The following TIMM9 variants were observed in gnomAD, a reference collection of about 807,000 sequenced individuals.
TIMM9 encodes the protein mitochondrial import inner membrane translocase subunit Tim9.
TIMM9 carries 10 observed loss-of-function variants against 13.4 expected under a neutral mutation model. The ratio of observed to expected loss-of-function variants is 0.75; its 90% CI spans 0.46 to 1.26. The LOEUF is 1.26. TIMM9 is among the 50% of genes most tolerant of loss of function. The pLI, the probability that TIMM9 is intolerant of heterozygous loss-of-function variation, is 0.00. For missense variants in TIMM9, 87 were observed against 100.8 expected (o/e 0.86, Z 0.58); for synonymous variants, 32 against 32.1 (o/e 1.00, Z 0.01).
chr14:58,417,897 C>A (rs2348076), intron 3 of TIMM9, among the ~76,000 whole-genome samples: 126,050 of 152,060 alleles, frequency 0.83, 54,248 homozygotes, highest in East Asian at 0.99. Context: ...GTGTACATTA[C>A]TACAGGTTTT....
rs760974022 is a variant in TIMM9 at position 58,410,870 on chromosome 14, G to T, written c.108C>A (p.Phe36Leu). 3.1e-6 allele frequency: 5 copies of T among 1,610,152 alleles called. No homozygotes were observed. The South Asian group carries it at 5.6e-5, about 18-fold the overall frequency. Residue 36 changes from phenylalanine to leucine, a missense_variant, in exon 5 of 6, where the codon TTC (phenylalanine) becomes TTA (leucine). Coordinates refer to ENST00000395159, the MANE Select transcript of TIMM9 (RefSeq NM_012460.4). Reference protein sequence around the residue: ...ETCFLDCVKDFTTREVKPEET... With the variant: ...ETCFLDCVKDLTTREVKPEET... ...CTTCAGGTTTTACTTCTCTTGTTGT[G>T]AAGTCTTTAACACAGTCCAAAAAGC...
chr14:58,423,022 C>CT (rs1158380578), intron 3 of TIMM9, among the ~76,000 whole-genome samples: 1 of 151,430 alleles, frequency 6.6e-6, no homozygotes, highest in Non-Finnish European at 1.5e-5. Context: ...CCAGGTTGGT[C>CT]TTGAACTCCC....
intron 3 of TIMM9, among the ~76,000 whole-genome samples, chr14:58,412,807 A>C (rs939892281): frequency 6.6e-6 from 1 of 152,126 alleles, no homozygotes; most frequent in Non-Finnish European, 1.5e-5. Context: ...AAGCTGAGGC[A>C]GGAGAATCGC....
At chr14:58,412,150 CTTT>C in intron 3 of TIMM9, 179 bp from the exon 4 acceptor site, 3 of 411,046 alleles carry the variant, frequency 7.3e-6, no homozygotes, top group South Asian at 6.8e-5. Context: ...ATTAGATTTT[CTTT>C]TTTTTTTTGA....
chr14:58,417,970 C>G (rs543295233), intron 3 of TIMM9, among the ~76,000 whole-genome samples: 1 of 152,104 alleles, frequency 6.6e-6, no homozygotes, highest in Non-Finnish European at 1.5e-5. Context: ...CTGACAACTT[C>G]TTTATGAAGT....
intron 1 of TIMM9, 38 bp downstream of exon 1, chr14:58,427,354 A>T (rs1346850295): frequency 1.7e-5 from 7 of 423,362 alleles, no homozygotes; most frequent in East Asian, 1.2e-4. Flanking sequence ...TCCAATAATG[A>T]CCCGAATCTG....
intron 3 of TIMM9, among the ~76,000 whole-genome samples, chr14:58,415,897 G>A (rs187532530): frequency 1.6e-4 from 25 of 152,012 alleles, no homozygotes; most frequent in Admixed American, 1.3e-3. Context: ...AACCTACATC[G>A]ACACATAATA....
intron 3 of TIMM9, among the ~76,000 whole-genome samples, chr14:58,419,778 T>G (rs117654501): frequency 3.9e-5 from 6 of 152,090 alleles, no homozygotes; most frequent in African/African-American, 7.2e-5. Flanking sequence ...TAGCTGGGCA[T>G]GGTGGCACAT....
At chr14:58,417,522 A>T (rs1455913372) in intron 3 of TIMM9, among the ~76,000 whole-genome samples, 1 of 134,102 alleles carries the variant, frequency 7.5e-6, no homozygotes, top group African/African-American at 2.7e-5. Context: ...AAAAAAAGGA[A>T]GTGGAGGTAA....
chr14:58,418,100 C>T (rs1403834270), intron 3 of TIMM9, among the ~76,000 whole-genome samples: 2 of 151,924 alleles, frequency 1.3e-5, no homozygotes, highest in African/African-American at 2.4e-5. Flanking sequence ...TATAATTCAG[C>T]AATATATAAA....
At chr14:58,411,461 C>A in intron 4 of TIMM9, among the ~76,000 whole-genome samples, 1 of 150,568 alleles carries the variant, frequency 6.6e-6, no homozygotes. Flanking sequence ...AAAAAAAGAA[C>A]AAGAAAAATA....
At chr14:58,422,757 T>C (rs1309105137) in intron 3 of TIMM9, among the ~76,000 whole-genome samples, 2 of 152,188 alleles carry the variant, frequency 1.3e-5, no homozygotes, top group Non-Finnish European at 1.5e-5. Flanking sequence ...TTATTTTCTT[T>C]AGAATCACTC....
rs535607429 is a variant in TIMM9 at position 58,422,544 on chromosome 14, A to T, written c.-27+1464T>A. ...GGTTGTTACTAAAAAATCTGAAAAG[A>T]CATATATGAGGAATGCCCCAAGTGC... On this transcript the variant is annotated intron_variant, in intron 3 of 5. Coordinates refer to ENST00000395159, the MANE Select transcript of TIMM9 (RefSeq NM_012460.4). Among the ~76,000 whole-genome samples the T allele has an allele frequency of 1.6e-4, 25 of 152,316 alleles. No homozygotes were observed. The South Asian group carries it at 2.1e-3, about 13-fold the overall frequency.
At chr14:58,417,498 T>TAAA (rs71107944) in intron 3 of TIMM9, among the ~76,000 whole-genome samples, 29 of 56,676 alleles carry the variant, frequency 5.1e-4, no homozygotes, top group African/African-American at 2.2e-3. Context: ...AAGACCCTGT[T>TAAA]AAAAAAAAAA....
intron 3 of TIMM9, among the ~76,000 whole-genome samples, chr14:58,419,512 TACACAC>T (rs1010935066): frequency 2.6e-5 from 2 of 77,362 alleles, no homozygotes. Context: ...CACAAACACA[TACACAC>T]ACACACACAC....
At chr14:58,426,916 C>G (rs1305029695) in intron 2 of TIMM9, 138 bp downstream of exon 2, 3 of 152,852 alleles carry the variant, frequency 2.0e-5, no homozygotes, top group Non-Finnish European at 4.4e-5. Flanking sequence ...CGGCGAAGCG[C>G]TGTCCCGCTT....
At chr14:58,425,649 C>T (rs945391248) in intron 2 of TIMM9, among the ~76,000 whole-genome samples, 1 of 152,018 alleles carries the variant, frequency 6.6e-6, no homozygotes, top group African/African-American at 2.4e-5. Context: ...ACACTCAGAT[C>T]TTAGGTCACT....
chr14:58,412,590 A>C (rs1033694649), intron 3 of TIMM9, among the ~76,000 whole-genome samples: 3 of 151,996 alleles, frequency 2.0e-5, no homozygotes, highest in African/African-American at 7.2e-5. Flanking sequence ...AAGATGGTGA[A>C]GTTTGGGCTT....
intron 4 of TIMM9, among the ~76,000 whole-genome samples, chr14:58,411,403 G>A (rs185000958): frequency 9.9e-5 from 15 of 151,566 alleles, no homozygotes; most frequent in African/African-American, 3.1e-4. Flanking sequence ...AACCAAGATC[G>A]TGCCACTGCA....
Sources: allele counts gnomAD v4.1 joint callset (sites outside exome capture counted in the v4.1 genomes callset), GRCh38; gene constraint gnomAD v4.1.1; transcripts MANE v1.5; gene names NCBI Gene and HGNC (gene_info 2026-07-23, HGNC 2026-07-21).